Variants in NECAB2 observed in about 807,000 individuals in gnomAD.
NECAB2 encodes the protein N-terminal EF-hand calcium binding protein 2, also known as N-terminal EF-hand calcium-binding protein 2.
In NECAB2, 68 loss-of-function variants were observed where a neutral mutation model predicts 51.9. The ratio of observed to expected loss-of-function variants is 1.31; its 90% CI spans 1.08 to 1.60. The LOEUF is 1.60. Among genes scored for constraint, NECAB2 ranks in the 40% most tolerant of loss-of-function variants. The pLI, the probability that NECAB2 is intolerant of heterozygous loss-of-function variation, is 0.00. For missense variants in NECAB2, 854 were observed against 490.3 expected, an observed-to-expected ratio of 1.74 and a Z score of -7.00; for synonymous variants, 329 against 203.5, an observed-to-expected ratio of 1.62 and a Z score of -5.25.
intron 2 of NECAB2, among the ~76,000 whole-genome samples, 195 bp from the exon 3 acceptor site, chr16:83,978,249 A>G (rs924952592): frequency 6.6e-6 from 1 of 152,166 alleles, no homozygotes; most frequent in African/African-American, 2.4e-5. Flanking sequence ...TGTGGGAATT[A>G]GCTGGGTGGG....
chr16:83,966,036 C>G, upstream of NECAB2: 4 of 1,466,566 alleles, frequency 2.7e-6, no homozygotes, highest in Non-Finnish European at 3.6e-6. Flanking sequence ...GGCTCCCAGG[C>G]CCTGAGAGGA....
intron 6 of NECAB2, 113 bp downstream of exon 6, chr16:83,990,743 A>C (rs1347753435): frequency 1.4e-6 from 2 of 1,388,354 alleles, no homozygotes; most frequent in Admixed American, 4.6e-5. Flanking sequence ...GACCTTGGGC[A>C]AGTTGCCACA....
chr16:83,994,436 G>A lies in NECAB2; in HGVS notation c.715+16G>A. 3.7e-6 allele frequency: 6 copies of A among 1,612,896 alleles called. No homozygotes were observed. Among genetic ancestry groups the A allele is most frequent in the Non-Finnish European group, 5.1e-6 (6 of 1,178,982 alleles). ...CTTCCATCTGGTGAGAGAAAGCGGG[G>A]GCCCTGGTGGGGGTACCAGCTGGGG... is the stretch of plus-strand genomic sequence containing the variant. On this transcript the variant is annotated intron_variant, in intron 7 of 12. Coordinates refer to ENST00000305202, the MANE Select transcript of NECAB2 (RefSeq NM_019065.3).
Position 84,001,864 on chromosome 16 carries a change from C to A in NECAB2, c.1080C>A (p.Val360=), listed in dbSNP as rs1419431980. The A allele has an allele frequency of 1.2e-6, 2 of 1,614,160 alleles. No individual in the cohort carries two copies. Among genetic ancestry groups the A allele is most frequent in the South Asian group, 1.1e-5 (1 of 91,082 alleles). The part of the protein sequence containing the change: ...QSPLCKAFRH[V]KVDTLSQPEA... ...CCCTGTGTAAGGCGTTCCGGCACGT[C>A]AAGGTGGACACACTGAGCCAGCCTG... The change falls in exon 12 of 13, where the codon GTC becomes GTA. Residue 360 remains valine (V), a synonymous_variant. Coordinates refer to ENST00000305202, the MANE Select transcript of NECAB2 (RefSeq NM_019065.3).
rs781482820 is a variant in NECAB2 at position 83,990,617 on chromosome 16, A to G, written c.583A>G (p.Thr195Ala). 3 of 1,613,964 alleles carry G rather than the reference A, an allele frequency of 1.9e-6. No homozygotes were observed. The East Asian group carries it at 6.7e-5, about 36-fold the overall frequency. ...ESAVEAIEEQ[T>A]SQLRQNHIKP... ...TGCGGTGGAGGCCATCGAGGAACAGACCAGCCAGCTCCGGTGAGTCTCTGA... is the reference window on the plus strand; with the variant it reads ...TGCGGTGGAGGCCATCGAGGAACAGGCCAGCCAGCTCCGGTGAGTCTCTGA... The change falls in exon 6 of 13, where the codon ACC (threonine) becomes GCC (alanine). Residue 195 changes from threonine (T) to alanine (A), a missense_variant. Coordinates refer to ENST00000305202, the MANE Select transcript of NECAB2 (RefSeq NM_019065.3).
chr16:83,999,929 G>C (rs957804428), intron 10 of NECAB2, among the ~76,000 whole-genome samples: 2 of 148,476 alleles, frequency 1.3e-5, no homozygotes, highest in African/African-American at 2.6e-5. Context: ...TGTCCAGGCA[G>C]GAGTGAGTGT....
chr16:83,998,507 GTCT>G (rs1282641303), intron 10 of NECAB2, among the ~76,000 whole-genome samples, 190 bp downstream of exon 10: 1 of 152,132 alleles, frequency 6.6e-6, no homozygotes, highest in African/African-American at 2.4e-5. Flanking sequence ...TGTGGCAGGT[GTCT>G]TCATCTCCCT....
rs942361008 is a variant in NECAB2 at position 83,998,139 on chromosome 16, C to A, written c.850-66C>A. On this transcript the variant is annotated intron_variant, in intron 9 of 12. Coordinates refer to ENST00000305202, the MANE Select transcript of NECAB2 (RefSeq NM_019065.3). ...ACCGAGGAAGGGAGGTCATGGGGGC[C>A]TGATGGGGTGTTTAGGGAGAAGGCC... The A allele has an allele frequency of 1.3e-5, 19 of 1,443,690 alleles. No homozygotes were observed. In the African/African-American group the frequency reaches 2.2e-4, roughly 17 times the overall value. 89.4% of individuals were successfully genotyped at this position (1,443,690 alleles called of 1,614,324 possible).
At chr16:83,981,398 C>T (rs886723742) in intron 5 of NECAB2, among the ~76,000 whole-genome samples, 3 of 141,220 alleles carry the variant, frequency 2.1e-5, no homozygotes, top group Non-Finnish European at 4.5e-5. Context: ...CGCAATCACC[C>T]TGTGCCCTTA....
chr16:83,996,682 G>T lies in NECAB2; in HGVS notation c.796-534G>T, dbSNP rs149116697. ...AGCCGGGGTTCTCTGCCGTGACATA[G>T]TGACTGTTGATCTTCTGTGGGGGCT... On this transcript the variant is annotated intron_variant, in intron 8 of 12. Coordinates refer to ENST00000305202, the MANE Select transcript of NECAB2 (RefSeq NM_019065.3). Among the ~76,000 whole-genome samples the T allele has an allele frequency of 1.8e-3, 271 of 152,282 alleles. 1 individual carries two copies. The highest frequency in any genetic ancestry group is 6.1e-3 in the African/African-American group (253 of 41,538).
intron 2 of NECAB2, among the ~76,000 whole-genome samples, chr16:83,974,999 T>G (rs191535945): frequency 0.02 from 1,577 of 79,224 alleles, 70 homozygotes; most frequent in African/African-American, 0.08. Flanking sequence ...TGCGGGAATG[T>G]GAACCGGTGT....
chr16:83,993,256 G>A (rs148416146), intron 6 of NECAB2: 2 of 152,210 alleles, frequency 1.3e-5, no homozygotes, highest in African/African-American at 4.8e-5. Context: ...ACCCGTCATG[G>A]TCTGAGGGAT....
intron 6 of NECAB2, among the ~76,000 whole-genome samples, chr16:83,992,913 G>A (rs1389266831): frequency 6.6e-6 from 1 of 152,066 alleles, no homozygotes; most frequent in African/African-American, 2.4e-5. Flanking sequence ...AAAACTTGCT[G>A]TTTTTCTCCT....
chr16:83,965,791 T>C (rs2084273022), upstream of NECAB2: 1 of 1,612,716 alleles, frequency 6.2e-7, no homozygotes, highest in Admixed American at 1.7e-5. Flanking sequence ...CCTTCCTGCC[T>C]GGGGCAGGGG....
intron 2 of NECAB2, among the ~76,000 whole-genome samples, chr16:83,975,902 G>C (rs77175791): frequency 0.012 from 1,828 of 152,302 alleles, 18 homozygotes; most frequent in South Asian, 0.024. Context: ...GGCCTACGTA[G>C]GGCATGTTTT....
chr16:83,986,679 A>ATTTTT (rs113038465), intron 5 of NECAB2, among the ~76,000 whole-genome samples: 1 of 135,114 alleles, frequency 7.4e-6, no homozygotes, highest in Non-Finnish European at 1.6e-5. Context: ...CTCACGGCAA[A>ATTTTT]TTTTTTTTTT....
chr16:83,981,498 T>G (rs2084489336), intron 5 of NECAB2, among the ~76,000 whole-genome samples: 1 of 151,964 alleles, frequency 6.6e-6, no homozygotes. Flanking sequence ...GGGTGGTGGT[T>G]CATGCATCTG....
At chr16:83,986,052 C>G (rs751031353) in intron 5 of NECAB2, among the ~76,000 whole-genome samples, 1 of 151,970 alleles carries the variant, frequency 6.6e-6, no homozygotes, top group Non-Finnish European at 1.5e-5. Context: ...GTTTCTCTTT[C>G]GTTGCCCAGG....
chr16:83,978,357 G>A (rs1434114282), intron 2 of NECAB2, 87 bp from the exon 3 acceptor site: 22 of 1,004,780 alleles, frequency 2.2e-5, no homozygotes, highest in Non-Finnish European at 2.7e-5. Context: ...TCAGGCCATT[G>A]ACTGGATTTG....
Sources: allele counts gnomAD v4.1 joint callset (sites outside exome capture counted in the v4.1 genomes callset), GRCh38; gene constraint gnomAD v4.1.1; transcripts MANE v1.5; gene names NCBI Gene and HGNC (gene_info 2026-07-23, HGNC 2026-07-21).